Variants in HEATR6 observed in about 807,000 individuals in gnomAD.
HEATR6 encodes the protein HEAT repeat containing 6, also known as HEAT repeat-containing protein 6.
HEATR6 carries 106 observed loss-of-function variants against 132.8 expected under a neutral mutation model. The observed-to-expected ratio is 0.80, with a 90% CI of 0.68 to 0.94. HEATR6 has a LOEUF of 0.94. Among genes scored for constraint, HEATR6 ranks in the 40% least tolerant of loss-of-function variants. HEATR6 has a pLI of 0.00. For synonymous variants in HEATR6, 529 were observed against 537.8 expected (o/e 0.98, Z 0.23); for missense variants, 1,339 against 1,425.1 (o/e 0.94, Z 0.97).
At chr17:60,045,423 T>G (rs1258813337) in intron 19 of HEATR6, among the ~76,000 whole-genome samples, 1 of 152,210 alleles carries the variant, frequency 6.6e-6, no homozygotes, top group Non-Finnish European at 1.5e-5. Context: ...CTCCGATCCA[T>G]ACACCTAAGC....
rs1598910706 is a variant in HEATR6 at position 60,057,555 on chromosome 17, G to C, written c.1724-152C>G. 1.9e-5 allele frequency: 11 copies of C among 567,540 alleles called. No homozygotes were observed. The East Asian group carries it at 2.9e-4, about 15-fold the overall frequency. 35.2% of individuals were successfully genotyped at this position (567,540 alleles called of 1,614,324 possible). ...CTCATTTCCAGTTTGGAAATACATG[G>C]GACAGGAGAGTAAGTTAACACCATA... On this transcript the variant is annotated intron_variant, in intron 11 of 19. Transcript: ENST00000184956.
Position 60,043,263 on chromosome 17 carries a change from ATT to A in HEATR6, c.*298_*299del. The A allele has an allele frequency of 9.3e-6, 3 of 322,318 alleles. No individual in the cohort carries two copies. The highest frequency in any genetic ancestry group is 6.5e-5 in the East Asian group (1 of 15,454). The allele number at this position is 322,318 out of a possible 1,614,324, so 20.0% of individuals were successfully genotyped here. ...AATTCTAATTCCGAAATCCTTCTAC[ATT>A]TTTTTTTTCTGAGACTAAATGCCCT... On this transcript the variant is annotated 3_prime_UTR_variant, in exon 20 of 20. Coordinates refer to ENST00000184956, the MANE Select transcript of HEATR6 (RefSeq NM_022070.5).
In HEATR6 at chr17:60,069,767, C is replaced by A; in HGVS notation, c.883G>T (p.Gly295Trp). ...TGCTGTGGTTTGATAGGTGTTCGCCCATCATACTGAGGAAGCGGAGTTGGG... is the reference window on the plus strand; with the variant it reads ...TGCTGTGGTTTGATAGGTGTTCGCCAATCATACTGAGGAAGCGGAGTTGGG... ...LYPTPLPQYDGRTPIKPQQSE... is the reference protein window; with the variant it reads ...LYPTPLPQYDWRTPIKPQQSE... Residue 295 changes from glycine to tryptophan, a missense_variant, in exon 7 of 20, where the codon GGG (glycine) becomes TGG (tryptophan). Transcript: ENST00000184956. 5 of 1,613,958 alleles carry A rather than the reference C, an allele frequency of 3.1e-6. No individual in the cohort carries two copies. Among genetic ancestry groups the A allele is most frequent in the Non-Finnish European group, 4.2e-6 (5 of 1,179,904 alleles).
chr17:60,053,512 G>A (rs1180573676), intron 14 of HEATR6, among the ~76,000 whole-genome samples: 1 of 152,214 alleles, frequency 6.6e-6, no homozygotes, highest in Non-Finnish European at 1.5e-5. Context: ...GAAAGAGTTT[G>A]GAAGGCTCAG....
chr17:60,059,440 G>C lies in HEATR6; in HGVS notation c.1705C>G (p.Pro569Ala), dbSNP rs1259465988. The C allele has an allele frequency of 6.2e-7, 1 of 1,611,978 alleles. No homozygotes were observed. Among genetic ancestry groups the C allele is most frequent in the Non-Finnish European group, 8.5e-7 (1 of 1,178,428 alleles). Residue 569 changes from proline (P) to alanine (A), a missense_variant, in exon 11 of 20, where the codon CCT (proline) becomes GCT (alanine). Transcript: ENST00000184956. ...LLTKVWNQIK[P>A]YIRHKDVNVR... ...TACAAACCTTTGTGGCGAATATAAG[G>C]CTTTATCTGGTTCCAGACTTTGGTC...
chr17:60,078,667 G>T, intron 1 of HEATR6, 29 bp downstream of exon 1: 1 of 1,519,572 alleles, frequency 6.6e-7, no homozygotes. Flanking sequence ...GTGGGGCCGG[G>T]GCCGGGGCCA....
intron 5 of HEATR6, among the ~76,000 whole-genome samples, chr17:60,071,703 A>G (rs182410837): frequency 4.9e-4 from 74 of 152,346 alleles, no homozygotes; most frequent in African/African-American, 1.8e-3. Context: ...TTAAAGCTGT[A>G]ATTATGCTCA....
In HEATR6 at chr17:60,070,657, C is replaced by G; in HGVS notation, c.801+49G>C. 3.7e-6 allele frequency: 4 copies of G among 1,078,390 alleles called. No homozygotes were observed. In the South Asian group the frequency reaches 3.8e-5, roughly 10 times the overall value. The allele number at this position is 1,078,390 out of a possible 1,614,324, so 66.8% of individuals were successfully genotyped here. ...ATAAGGATGTAAAGTGGTCCTTGTA[C>G]CATGGGTTGAAACAGGAAAGACAAT... On this transcript the variant is annotated intron_variant, in intron 6 of 19. Transcript: ENST00000184956.
At chr17:60,066,642 G>C (rs1377655715) in intron 8 of HEATR6, among the ~76,000 whole-genome samples, 1 of 152,130 alleles carries the variant, frequency 6.6e-6, no homozygotes, top group Non-Finnish European at 1.5e-5. Flanking sequence ...GAGAACAAGA[G>C]GGCAACATTT....
chr17:60,043,521 T>A lies in HEATR6; in HGVS notation c.*42A>T. On this transcript the variant is annotated 3_prime_UTR_variant, in exon 20 of 20. Transcript: ENST00000184956. Reference sequence around the variant, plus strand: ...AGATCTTATGCTCAAGCTCAGGTCTTCCTACTGCCGCCTTCGACATCTAGA... The same window carrying A: ...AGATCTTATGCTCAAGCTCAGGTCTACCTACTGCCGCCTTCGACATCTAGA... The A allele has an allele frequency of 2.0e-6, 3 of 1,506,676 alleles. No individual in the cohort carries two copies. The highest frequency in any genetic ancestry group is 2.7e-6 in the Non-Finnish European group (3 of 1,099,474). The allele number at this position is 1,506,676 out of a possible 1,614,324, so 93.3% of individuals were successfully genotyped here.
At chr17:60,064,094 G>A (rs1176182992) in intron 9 of HEATR6, 2 of 152,156 alleles carry the variant, frequency 1.3e-5, no homozygotes, top group African/African-American at 4.8e-5. Flanking sequence ...CACATCACCT[G>A]GGGTCAGGAA....
rs111406439 is a variant in HEATR6 at position 60,042,787 on chromosome 17, C to T, written c.*776G>A. ...CGCGTCCTGTGTGGCTGTGAGGCAC[C>T]GTCAGCATCCTCGCGTCCTGTGTGG... On this transcript the variant is annotated 3_prime_UTR_variant, in exon 20 of 20. Coordinates refer to ENST00000184956, the MANE Select transcript of HEATR6 (RefSeq NM_022070.5). 3.4e-5 allele frequency among the ~76,000 whole-genome samples: 2 copies of T among 59,638 alleles called. No homozygotes were observed. The highest frequency in any genetic ancestry group is 6.1e-4 in the East Asian group (1 of 1,636). The allele number at this position is 59,638 out of a possible 152,430, so 39.1% of individuals were successfully genotyped here.
intron 2 of HEATR6, among the ~76,000 whole-genome samples, chr17:60,075,065 A>G (rs757319231): frequency 6.6e-6 from 1 of 152,222 alleles, no homozygotes; most frequent in Non-Finnish European, 1.5e-5. Context: ...TATATGACCT[A>G]AGTCTCTCCA....
intron 19 of HEATR6, among the ~76,000 whole-genome samples, chr17:60,045,454 A>G (rs1906335593): frequency 1.3e-5 from 2 of 152,338 alleles, no homozygotes; most frequent in Admixed American, 1.3e-4. Flanking sequence ...CCTGAATGAC[A>G]TATCAAGGTG....
rs1307676721 is a variant in HEATR6, at chr17:60,044,080, G to A, written c.3029C>T (p.Ser1010Leu). ...AYNALTSVVT[S>L]CKNFKVRIRS... ...GATGCGCACTTTGAAGTTCTTGCATGATGTCACGACCGATGTCAGGGCATT... is the reference window on the plus strand; with the variant it reads ...GATGCGCACTTTGAAGTTCTTGCATAATGTCACGACCGATGTCAGGGCATT... Residue 1010 changes from serine (S) to leucine (L), a missense_variant, in exon 20 of 20, where the codon TCA becomes TTA. Ser to Leu is a moderately radical substitution (Grantham distance 145). Coordinates refer to ENST00000184956, the MANE Select transcript of HEATR6 (RefSeq NM_022070.5). The A allele has an allele frequency of 6.2e-7, 1 of 1,614,078 alleles. No individual in the cohort carries two copies.
Position 60,043,687 on chromosome 17 carries a change from C to G in HEATR6, c.3422G>C (p.Ser1141Thr), listed in dbSNP as rs756056393. 6.2e-7 allele frequency: 1 copy of G among 1,614,186 alleles called. No homozygotes were observed. The highest frequency in any genetic ancestry group is 2.2e-5 in the East Asian group (1 of 44,882). ...MVRMALKHMG[S>T]IQAPTGDTAR... ...TGTGTCTCCAGTTGGTGCCTGGATG[C>G]TGCCCATGTGTTTAAGGGCCATTCT... The change falls in exon 20 of 20, where the codon AGC becomes ACC. Residue 1141 changes from serine to threonine, a missense_variant. By Grantham distance (58) the Ser-to-Thr change is moderately conservative. Coordinates refer to ENST00000184956, the MANE Select transcript of HEATR6 (RefSeq NM_022070.5).
intron 14 of HEATR6, among the ~76,000 whole-genome samples, chr17:60,052,780 G>C (rs553966707): frequency 1.3e-5 from 2 of 152,130 alleles, no homozygotes; most frequent in Non-Finnish European, 2.9e-5. Flanking sequence ...CTTTGGAACT[G>C]GCACAGTGTA....
intron 14 of HEATR6, 134 bp from the exon 15 acceptor site, chr17:60,051,111 G>T: frequency 1.1e-6 from 1 of 949,986 alleles, no homozygotes; most frequent in Non-Finnish European, 1.5e-6. Flanking sequence ...GTTTTCATTG[G>T]TTCTTCTTCC....
At chr17:60,069,049 TCAGGTATGAC>T (rs2083256618) in intron 7 of HEATR6, among the ~76,000 whole-genome samples, 1 of 152,238 alleles carries the variant, frequency 6.6e-6, no homozygotes, top group South Asian at 2.1e-4. Flanking sequence ...AGCACTTTGA[TCAGGTATGAC>T]ATTTCTGGAA....
Sources: gnomAD v4.1 joint callset for allele counts (sites outside exome capture counted in the v4.1 genomes callset) on GRCh38, gnomAD v4.1.1 for gene constraint, MANE v1.5 for transcripts, NCBI Gene and HGNC (gene_info 2026-07-23, HGNC 2026-07-21) for gene names.